The following DNMT3A variants were observed in gnomAD, a reference collection of about 807,000 sequenced individuals.
The protein encoded by DNMT3A is DNA (cytosine-5)-methyltransferase 3A.
A neutral mutation model predicts 117.6 loss-of-function variants in DNMT3A; 267 were observed. That is an observed-to-expected ratio of 2.27 (90% confidence interval 2.05 to 2.51). The LOEUF (loss-of-function observed/expected upper bound fraction) is 2.51. Among genes scored for constraint, DNMT3A ranks in the 30% most tolerant of loss-of-function variants. The pLI is 0.00. For missense variants in DNMT3A, 1,029 were observed against 1,260.2 expected (o/e 0.82, Z 2.78); for synonymous variants, 432 against 474.8 (o/e 0.91, Z 1.17).
At position 25,337,927 on chromosome 2, in the gene DNMT3A, G is replaced by C. The variant is rs565050303; in HGVS notation, c.-178+3899C>G. ...GCCTCAGGCCAGGTGGGCTTCTGAC[G>C]GGCTCTCTGCTCACATACTAATATT... On this transcript the variant is annotated intron_variant, in intron 1 of 22. Coordinates refer to ENST00000321117, the MANE Select transcript of DNMT3A (RefSeq NM_022552.5). The surrounding 1 kb of genome is among the most constrained non-coding windows in gnomAD (Gnocchi z 5.0). 6.6e-6 allele frequency among the ~76,000 whole-genome samples: 1 copy of C among 152,164 alleles called. No homozygotes were observed. Among genetic ancestry groups the C allele is most frequent in the Non-Finnish European group, 1.5e-5 (1 of 68,038 alleles).
chr2:25,260,298 G>T (rs1379731835), intron 6 of DNMT3A, among the ~76,000 whole-genome samples: 1 of 152,188 alleles, frequency 6.6e-6, no homozygotes. Flanking sequence ...TCATCTGGGG[G>T]CTGGCTAGAA....
intron 6 of DNMT3A, among the ~76,000 whole-genome samples, chr2:25,265,742 C>G (rs2030275276): frequency 6.6e-6 from 1 of 151,696 alleles, no homozygotes; most frequent in Non-Finnish European, 1.5e-5. Context: ...TCGCTTGAAC[C>G]CAAGAGGCAG....
chr2:25,285,608 G>C (rs563621078), intron 3 of DNMT3A, among the ~76,000 whole-genome samples: 1 of 152,334 alleles, frequency 6.6e-6, no homozygotes, highest in African/African-American at 2.4e-5. Context: ...TGGTAAAAGC[G>C]AGAAGTCCTC....
chr2:25,269,648 T>C (rs890168031), intron 6 of DNMT3A, among the ~76,000 whole-genome samples: 11 of 151,916 alleles, frequency 7.2e-5, no homozygotes, highest in South Asian at 2.1e-4. Context: ...TGGGGAGCCA[T>C]TGGAGGTTCT....
Position 25,264,131 on chromosome 2 carries a change from G to GGTTTTTTTTTTTT in DNMT3A, c.639+10797_639+10809dup, listed in dbSNP as rs2029955036. Among the ~76,000 whole-genome samples, 3 of 62,702 alleles carry GGTTTTTTTTTTTT rather than the reference G, an allele frequency of 4.8e-5. 1 individual carries two copies. Among genetic ancestry groups the GGTTTTTTTTTTTT allele is most frequent in the East Asian group, 9.6e-4 (2 of 2,074 alleles). The allele number at this position is 62,702 out of a possible 152,430, so 41.1% of individuals were successfully genotyped here. A position where few individuals can be genotyped will look rare whatever the true frequency, so the allele number is the denominator to read the frequency against. On this transcript the variant is annotated intron_variant, in intron 6 of 22. Transcript: ENST00000321117. ...CTCAGTAAAGGCTGGACAACCCTTT[G>GGTTTTTTTTTTTT]GTTTTTTTTTTTTTTTTTTTTTTTT...
At position 25,281,960 on chromosome 2, in the gene DNMT3A, C is replaced by A; in HGVS notation, c.448+481G>T. 1 of 1,088,066 alleles carries A rather than the reference C, an allele frequency of 9.2e-7. No homozygotes were observed. Among genetic ancestry groups the A allele is most frequent in the Non-Finnish European group, 1.1e-6 (1 of 892,344 alleles). 67.4% of individuals were successfully genotyped at this position (1,088,066 alleles called of 1,614,324 possible). A position where few individuals can be genotyped will look rare whatever the true frequency, so the allele number is the denominator to read the frequency against. On this transcript the variant is annotated intron_variant, in intron 4 of 22. Transcript: ENST00000321117. This position sits in a 1 kb window ranked among gnomAD's most constrained non-coding sequence, Gnocchi z 4.8. ...GGGAGGCAAACAGGGTATCTGCTGC[C>A]CTTGAGTGCCCAGGCCAGGGGCTAC...
At position 25,286,665 on chromosome 2, in the gene DNMT3A, A is replaced by G. The variant is rs888777597; in HGVS notation, c.178-3954T>C. ...CTCTCTGGGGCTCAGGGTGACCAGC[A>G]GGACAAAACCATCCAGAGGAAGGAA... On this transcript the variant is annotated intron_variant, in intron 3 of 22. Coordinates refer to ENST00000321117, the MANE Select transcript of DNMT3A (RefSeq NM_022552.5). This position sits in a 1 kb window ranked among gnomAD's most constrained non-coding sequence, Gnocchi z 4.3. Among the ~76,000 whole-genome samples, 1 of 152,258 alleles carries G rather than the reference A, an allele frequency of 6.6e-6. No individual in the cohort carries two copies. Among genetic ancestry groups the G allele is most frequent in the African/African-American group, 2.4e-5 (1 of 41,464 alleles).
rs201808955 is a variant in DNMT3A, at chr2:25,306,441, C to A, written c.73-6198G>T. On this transcript the variant is annotated intron_variant, in intron 2 of 22. Transcript: ENST00000321117. The surrounding 1 kb of genome is among the most constrained non-coding windows in gnomAD (Gnocchi z 4.1). ...ATAATTACCGAGGAAAGCCTTCCAT[C>A]CTCCTGAAAGGCCACTCTCCTGGAG... Among the ~76,000 whole-genome samples the A allele has an allele frequency of 1.4e-4, 22 of 152,328 alleles. No individual in the cohort carries two copies. The East Asian group carries it at 4.1e-3, about 28-fold the overall frequency.
intron 6 of DNMT3A, among the ~76,000 whole-genome samples, chr2:25,255,459 G>A (rs1676027688): frequency 6.6e-6 from 1 of 152,236 alleles, no homozygotes; most frequent in Non-Finnish European, 1.5e-5. Context: ...AAATATGCTG[G>A]ATGTCAAGAG....
chr2:25,241,826 C>A, intron 16 of DNMT3A, 119 bp from the exon 17 acceptor site: 1 of 1,342,580 alleles, frequency 7.4e-7, no homozygotes, highest in Non-Finnish European at 1.0e-6. Flanking sequence ...CAAGTCCTAT[C>A]TTTTCCCTGA....
chr2:25,326,618 T>C (rs2034798107), intron 1 of DNMT3A, among the ~76,000 whole-genome samples: 1 of 152,216 alleles, frequency 6.6e-6, no homozygotes, highest in South Asian at 2.1e-4. Context: ...CTAGACCCAG[T>C]GTGCTCTTGT....
In DNMT3A at chr2:25,296,567, C is replaced by T. The variant is rs1458192753; in HGVS notation, c.177+3572G>A. 2.6e-5 allele frequency among the ~76,000 whole-genome samples: 4 copies of T among 152,232 alleles called. No homozygotes were observed. The highest frequency in any genetic ancestry group is 4.8e-5 in the African/African-American group (2 of 41,456). On this transcript the variant is annotated intron_variant, in intron 3 of 22. Transcript: ENST00000321117. The surrounding 1 kb of genome is among the most constrained non-coding windows in gnomAD (Gnocchi z 4.2). ...TGTGATTATGTGTGGCCTCCTCTCT[C>T]CAGCACACTTGACTGAAATAGAAGG...
chr2:25,251,563 C>T (rs996660398), intron 6 of DNMT3A, among the ~76,000 whole-genome samples: 2 of 152,184 alleles, frequency 1.3e-5, no homozygotes, highest in East Asian at 1.9e-4. Context: ...GCGACTGCAG[C>T]GCTTCCCATT....
At chr2:25,324,703 C>T (rs559423583) in intron 1 of DNMT3A, among the ~76,000 whole-genome samples, 12 of 152,300 alleles carry the variant, frequency 7.9e-5, no homozygotes, top group Admixed American at 5.2e-4. Flanking sequence ...TCTGTCAACT[C>T]TTCCCCCTCC....
In DNMT3A at chr2:25,244,290, G is replaced by C. The variant is rs998550516; in HGVS notation, c.1716C>G (p.Ala572=). 18 of 1,611,112 alleles carry C rather than the reference G, an allele frequency of 1.1e-5. No homozygotes were observed. In the African/African-American group the frequency reaches 2.0e-4, roughly 18 times the overall value. ...AGGGGTCTTCCTTAATGGCTGCCTG[G>C]GCAGCCCCCGGCCCCACCAAGAGGT... is the stretch of plus-strand genomic sequence containing the variant. The part of the protein sequence containing the change: ...CVDLLVGPGA[A]QAAIKEDPWN... The change falls in exon 15 of 23, where the codon GCC becomes GCG. Residue 572 remains alanine, a synonymous_variant. Transcript: ENST00000321117.
At chr2:25,276,651 G>T (rs2031436073) in intron 4 of DNMT3A, among the ~76,000 whole-genome samples, 1 of 152,212 alleles carries the variant, frequency 6.6e-6, no homozygotes, top group South Asian at 2.1e-4. Flanking sequence ...GGAGGCTGCG[G>T]GGCTGGCTGA....
rs779519305 is a variant in DNMT3A, at chr2:25,246,696, C to T, written c.1203G>A (p.Val401=). The T allele has an allele frequency of 2.5e-6, 4 of 1,613,808 alleles. No individual in the cohort carries two copies. The highest frequency in any genetic ancestry group is 2.2e-5 in the East Asian group (1 of 44,884). The change falls in exon 10 of 23, where the codon GTG becomes GTA. Residue 401 remains valine, a synonymous_variant. Transcript: ENST00000321117. ...DESDTAKAVE[V]QNKPMIEWAL... is the part of the protein sequence containing the mutation. ...CCCATTCAATCATGGGCTTGTTCTGCACCTCCACGGCCTTGGCAGTGTCAC... is the reference window on the plus strand; with the variant it reads ...CCCATTCAATCATGGGCTTGTTCTGTACCTCCACGGCCTTGGCAGTGTCAC...
intron 6 of DNMT3A, among the ~76,000 whole-genome samples, chr2:25,264,155 T>TC: frequency 6.9e-6 from 1 of 145,284 alleles, no homozygotes; most frequent in Non-Finnish European, 1.5e-5. Context: ...TTTTTTTTTT[T>TC]TTGAGACAAG....
At chr2:25,308,985 A>ACACACACACACACACACG (rs1553430149) in intron 2 of DNMT3A, among the ~76,000 whole-genome samples, 11 of 152,016 alleles carry the variant, frequency 7.2e-5, no homozygotes, top group Admixed American at 7.2e-4. Context: ...ACACACACAC[A>ACACACACACACACACACG]CACACACACA....
Sources: allele counts gnomAD v4.1 joint callset (sites outside exome capture counted in the v4.1 genomes callset), GRCh38; gene constraint gnomAD v4.1.1; non-coding constraint Gnocchi (gnomAD v3.1); transcripts MANE v1.5; gene names NCBI Gene and HGNC (gene_info 2026-07-23, HGNC 2026-07-21).